Variants in FAM135A observed in about 807,000 individuals in gnomAD.
The protein encoded by FAM135A is protein FAM135A.
A neutral mutation model predicts 146.8 loss-of-function variants in FAM135A; 79 were observed. That is an observed-to-expected ratio of 0.54 (90% confidence interval 0.45 to 0.65). The LOEUF (loss-of-function observed/expected upper bound fraction) is 0.65, where lower values mean the gene tolerates loss of function less well. Ranked by LOEUF, FAM135A falls within the 30% of genes least tolerant of loss-of-function variation. The pLI, the probability that FAM135A is intolerant of heterozygous loss-of-function variation, is 0.00. For missense variants in FAM135A, 1,623 were observed against 1,758.2 expected, an observed-to-expected ratio of 0.92 and a Z score of 1.38; for synonymous variants, 562 against 603.6, an observed-to-expected ratio of 0.93 and a Z score of 1.01.
At chr6:70,542,276 A>ACACACC (rs1242891663) in intron 20 of FAM135A, among the ~76,000 whole-genome samples, 1 of 149,014 alleles carries the variant, frequency 6.7e-6, no homozygotes, top group African/African-American at 2.5e-5. Flanking sequence ...ACACACACAC[A>ACACACC]CCCTTTGCTG....
At chr6:70,513,254 C>G (rs957222707) in intron 12 of FAM135A, 4 of 151,568 alleles carry the variant, frequency 2.6e-5, no homozygotes, top group African/African-American at 7.3e-5. Context: ...ATTGTTTTGG[C>G]TATTCTAGAT....
At chr6:70,445,576 C>A (rs1478673401) in intron 4 of FAM135A, among the ~76,000 whole-genome samples, 3 of 152,082 alleles carry the variant, frequency 2.0e-5, no homozygotes, top group African/African-American at 7.2e-5. Flanking sequence ...TTATGGGAAA[C>A]AAAGGGATGG....
At chr6:70,483,456 A>G (rs1784094204) in intron 10 of FAM135A, among the ~76,000 whole-genome samples, 1 of 152,220 alleles carries the variant, frequency 6.6e-6, no homozygotes, top group Non-Finnish European at 1.5e-5. Flanking sequence ...AACAGTCTCT[A>G]TTTTCCTTGC....
intron 18 of FAM135A, among the ~76,000 whole-genome samples, chr6:70,535,535 C>T (rs760812501): frequency 1.3e-5 from 2 of 152,086 alleles, no homozygotes; most frequent in Non-Finnish European, 2.9e-5. Flanking sequence ...GGGATCTAGG[C>T]TGTGTGTTCC....
intron 12 of FAM135A, among the ~76,000 whole-genome samples, 188 bp from the exon 13 acceptor site, chr6:70,522,325 A>C (rs1177201264): frequency 6.6e-6 from 1 of 150,940 alleles, no homozygotes; most frequent in Non-Finnish European, 1.5e-5. Flanking sequence ...ATATTTATAT[A>C]TGCTTTCCAG....
intron 4 of FAM135A, among the ~76,000 whole-genome samples, chr6:70,435,633 C>T (rs1772933796): frequency 6.6e-6 from 1 of 151,578 alleles, no homozygotes; most frequent in Admixed American, 6.6e-5. Context: ...AATTCTCCTG[C>T]CTCAGCCTCC....
intron 12 of FAM135A, among the ~76,000 whole-genome samples, chr6:70,520,842 T>C (rs1582723995): frequency 6.6e-6 from 1 of 152,336 alleles, no homozygotes; most frequent in East Asian, 1.9e-4. Flanking sequence ...TACAGCATGA[T>C]AATTATGCTG....
At chr6:70,523,083 G>A (rs1324127318) in intron 13 of FAM135A, among the ~76,000 whole-genome samples, 1 of 151,982 alleles carries the variant, frequency 6.6e-6, no homozygotes, top group Non-Finnish European at 1.5e-5. Flanking sequence ...ATTATGCTGA[G>A]CAAAAAAAGC....
intron 11 of FAM135A, among the ~76,000 whole-genome samples, chr6:70,499,491 A>T (rs991263703): frequency 6.6e-6 from 1 of 152,158 alleles, no homozygotes; most frequent in Non-Finnish European, 1.5e-5. Flanking sequence ...TTTAAGGTTA[A>T]TATTGTTATC....
chr6:70,494,116 T>C (rs559219177), intron 11 of FAM135A, among the ~76,000 whole-genome samples: 5 of 150,854 alleles, frequency 3.3e-5, no homozygotes, highest in African/African-American at 4.8e-5. Flanking sequence ...AAAATGTTCA[T>C]ACTGTATTAT....
intron 11 of FAM135A, among the ~76,000 whole-genome samples, chr6:70,498,920 G>C (rs181180337): frequency 6.6e-6 from 1 of 152,170 alleles, no homozygotes; most frequent in African/African-American, 2.4e-5. Context: ...TAGAATAAGT[G>C]CTATGTGGCA....
rs565273305 is a variant in FAM135A at position 70,455,215 on chromosome 6, A to G, written c.157+2644A>G. On this transcript the variant is annotated intron_variant, in intron 5 of 21. Transcript: ENST00000418814. ...AATTGTGAATGGGAGTTCACTCATG[A>G]TTTGGCTCTCTGTCTGTTATTGGTG... 2.8e-4 allele frequency among the ~76,000 whole-genome samples: 43 copies of G among 152,192 alleles called. 1 individual carries two copies. The East Asian group carries it at 7.9e-3, about 28-fold the overall frequency.
intron 20 of FAM135A, among the ~76,000 whole-genome samples, chr6:70,551,637 C>T (rs990587905): frequency 2.0e-5 from 3 of 151,958 alleles, no homozygotes; most frequent in Non-Finnish European, 4.4e-5. Context: ...ATGTGAGAGA[C>T]GTGACTTTTC....
intron 4 of FAM135A, among the ~76,000 whole-genome samples, chr6:70,435,081 GTATATATA>G (rs767689681): frequency 0.021 from 1,947 of 94,200 alleles, 37 homozygotes; most frequent in African/African-American, 0.1. Flanking sequence ...GTGTGTGTGT[GTATATATA>G]TATATATATA....
At chr6:70,559,122 T>C (rs973954275) in intron 21 of FAM135A, among the ~76,000 whole-genome samples, 8 of 152,230 alleles carry the variant, frequency 5.3e-5, no homozygotes, top group Non-Finnish European at 5.9e-5. Context: ...TATTTCTTTG[T>C]TATAGGCATT....
intron 2 of FAM135A, among the ~76,000 whole-genome samples, chr6:70,417,902 A>G (rs1767909582): frequency 6.6e-6 from 1 of 152,262 alleles, no homozygotes; most frequent in South Asian, 2.1e-4. Context: ...ATCAACAGAG[A>G]AACATATAGC....
intron 2 of FAM135A, among the ~76,000 whole-genome samples, chr6:70,425,340 C>T (rs1357316933): frequency 1.3e-5 from 2 of 152,016 alleles, no homozygotes; most frequent in Non-Finnish European, 2.9e-5. Flanking sequence ...TAATCTAAAC[C>T]CTGCACACAA....
chr6:70,496,224 T>C (rs956875174), intron 11 of FAM135A, among the ~76,000 whole-genome samples: 3 of 151,998 alleles, frequency 2.0e-5, no homozygotes, highest in Non-Finnish European at 4.4e-5. Flanking sequence ...GTCTATCTCA[T>C]TGTGGTTTTG....
chr6:70,505,632 A>T (rs1413189498), intron 12 of FAM135A, among the ~76,000 whole-genome samples: 4 of 151,894 alleles, frequency 2.6e-5, no homozygotes, highest in Non-Finnish European at 5.9e-5. Flanking sequence ...AGTATCCTTC[A>T]ATTATCTTTT....
Sources: gnomAD v4.1 joint callset for allele counts (sites outside exome capture counted in the v4.1 genomes callset) on GRCh38, gnomAD v4.1.1 for gene constraint, MANE v1.5 for transcripts, NCBI Gene and HGNC (gene_info 2026-07-23, HGNC 2026-07-21) for gene names.